CFH: variants seen among roughly 807,000 people sequenced by gnomAD.
CFH encodes H factor 1 (complement).
In CFH, 53 loss-of-function variants were observed where a neutral mutation model predicts 147.3. The observed-to-expected ratio is 0.36, with a 90% CI of 0.29 to 0.45. The LOEUF (loss-of-function observed/expected upper bound fraction) is 0.45, where lower values mean the gene tolerates loss of function less well. CFH is among the 20% of genes least tolerant of loss of function. CFH has a pLI of 1.00. For missense variants in CFH, 1,380 were observed against 1,498.0 expected (o/e 0.92, Z 1.30); for synonymous variants, 536 against 489.4 (o/e 1.10, Z -1.26).
intron 7 of CFH, among the ~76,000 whole-genome samples, chr1:196,686,796 G>T (rs1179213718): frequency 6.6e-6 from 1 of 152,090 alleles, no homozygotes; most frequent in African/African-American, 2.4e-5. Context: ...AATTATTAAT[G>T]TTTGACAATG....
At chr1:196,669,809 AG>A (rs1023937280) in intron 1 of CFH, among the ~76,000 whole-genome samples, 3 of 152,188 alleles carry the variant, frequency 2.0e-5, no homozygotes, top group Non-Finnish European at 2.9e-5. Context: ...CTGTGAGAAG[AG>A]GGCCACAGAT....
intron 1 of CFH, among the ~76,000 whole-genome samples, chr1:196,656,734 T>C (rs181518295): frequency 8.6e-5 from 13 of 151,578 alleles, no homozygotes; most frequent in Admixed American, 5.3e-4. Flanking sequence ...GTACTGTCTC[T>C]TTGTGGCTGA....
chr1:196,667,095 A>C (rs1667122968), intron 1 of CFH, among the ~76,000 whole-genome samples: 1 of 152,134 alleles, frequency 6.6e-6, no homozygotes, highest in African/African-American at 2.4e-5. Context: ...TAAATCTCAA[A>C]CTATGATGGT....
chr1:196,689,517 C>T lies in CFH; in HGVS notation c.1062C>T (p.Ser354=), dbSNP rs1351683602. ...CAGTAGCTGTAGGAAAATATTACTC[C>T]TATTACTGTGATGAACATTTTGAGA... is the stretch of plus-strand genomic sequence containing the variant. ...YFPVAVGKYY[S]YYCDEHFETP... is the part of the protein sequence containing the mutation. Residue 354 remains serine (S), a synonymous_variant, in exon 8 of 22, where the codon TCC becomes TCT. Transcript: ENST00000367429. 5 of 1,613,522 alleles carry T rather than the reference C, an allele frequency of 3.1e-6. No homozygotes were observed. Among genetic ancestry groups the T allele is most frequent in the Non-Finnish European group, 4.2e-6 (5 of 1,179,654 alleles).
chr1:196,720,636 A>C (rs1409659780), intron 11 of CFH, among the ~76,000 whole-genome samples: 2 of 149,486 alleles, frequency 1.3e-5, no homozygotes, highest in Admixed American at 6.7e-5. Context: ...TTTTCTTTTT[A>C]TTTTTTGTTT....
chr1:196,661,236 C>T (rs1666891428), intron 1 of CFH, among the ~76,000 whole-genome samples: 1 of 152,004 alleles, frequency 6.6e-6, no homozygotes, highest in African/African-American at 2.4e-5. Flanking sequence ...AAAATTAGTG[C>T]CCATAAAAAC....
intron 6 of CFH, among the ~76,000 whole-genome samples, chr1:196,682,174 G>A (rs1667680576): frequency 6.6e-6 from 1 of 151,682 alleles, no homozygotes; most frequent in Admixed American, 6.6e-5. Context: ...AAGGTACGAA[G>A]AACTGCTAAA....
chr1:196,702,893 G>A (rs1396370519), intron 9 of CFH, among the ~76,000 whole-genome samples: 1 of 152,126 alleles, frequency 6.6e-6, no homozygotes, highest in East Asian at 1.9e-4. Flanking sequence ...CCTAATGAGG[G>A]TTGCTTTGGA....
At chr1:196,664,436 T>C (rs566296333) in intron 1 of CFH, among the ~76,000 whole-genome samples, 2 of 152,314 alleles carry the variant, frequency 1.3e-5, no homozygotes, top group South Asian at 4.1e-4. Context: ...ACTCAAATTT[T>C]TTGTGAAATA....
intron 14 of CFH, among the ~76,000 whole-genome samples, chr1:196,728,139 A>G (rs1013714505): frequency 3.3e-5 from 5 of 152,132 alleles, no homozygotes; most frequent in African/African-American, 1.2e-4. Flanking sequence ...GGTATCTCTA[A>G]CATTTCAGCG....
chr1:196,689,766 A>G, intron 8 of CFH, 152 bp downstream of exon 8: 1 of 850,854 alleles, frequency 1.2e-6, no homozygotes, highest in Admixed American at 2.7e-5. Context: ...GATCTTTTCT[A>G]TTATGAGGGT....
chr1:196,741,612 CA>C, intron 18 of CFH: 5 of 427,444 alleles, frequency 1.2e-5, no homozygotes, highest in Non-Finnish European at 1.3e-5. Context: ...ATAATGTGAA[CA>C]AAAAAATGTG....
intron 5 of CFH, chr1:196,678,238 T>C (rs1243597620): frequency 6.5e-5 from 10 of 154,428 alleles, no homozygotes; most frequent in Admixed American, 6.4e-4. Flanking sequence ...CAGAATCCAC[T>C]AAATAAATTG....
intron 12 of CFH, among the ~76,000 whole-genome samples, chr1:196,725,876 C>T (rs559560469): frequency 6.6e-6 from 1 of 152,284 alleles, no homozygotes; most frequent in South Asian, 2.1e-4. Context: ...CATTAGACCC[C>T]ACCTGAAACA....
At position 196,745,917 on chromosome 1, in the gene CFH, A is replaced by G. The variant is rs756048440; in HGVS notation, c.3411A>G (p.Gln1137=). The G allele has an allele frequency of 8.1e-6, 13 of 1,613,978 alleles. No individual in the cohort carries two copies. Among genetic ancestry groups the G allele is most frequent in the South Asian group, 3.3e-5 (3 of 91,084 alleles). Residue 1137 remains glutamine (Q), a synonymous_variant, in exon 21 of 22, where the codon CAA becomes CAG. Coordinates refer to ENST00000367429, the MANE Select transcript of CFH (RefSeq NM_000186.4). ...CTCCAGCTTCATCAGTTGAGTACCA[A>G]TGCCAGAACTTGTATCAACTTGAGG... ...VYAPASSVEY[Q]CQNLYQLEGN...
At chr1:196,715,401 G>A (rs1387108520) in intron 10 of CFH, among the ~76,000 whole-genome samples, 192 bp from the exon 11 acceptor site, 11 of 152,104 alleles carry the variant, frequency 7.2e-5, no homozygotes, top group African/African-American at 2.6e-4. Flanking sequence ...AAAATGTTGT[G>A]TAGAAAGATA....
chr1:196,740,596 T>C (rs1652776139), intron 17 of CFH, 23 bp from the exon 18 acceptor site: 2 of 1,611,504 alleles, frequency 1.2e-6, no homozygotes, highest in African/African-American at 1.3e-5. Flanking sequence ...TAGTGAAACC[T>C]GAATTCATTC....
rs1558163639 is a variant in CFH at position 196,692,773 on chromosome 1, T to TTCCCTTC, written c.1336+2534_1336+2535insTCCCTTC. 1.0e-3 allele frequency among the ~76,000 whole-genome samples: 88 copies of TTCCCTTC among 85,392 alleles called. 3 individuals carry two copies. The highest frequency in any genetic ancestry group is 2.5e-3 in the African/African-American group (55 of 21,828). The allele number at this position is 85,392 out of a possible 152,430, so 56.0% of individuals were successfully genotyped here. ...TTCTTTCTTTCTTTCTTTCTTTCTTTCTTTCTTTCTTTCTTTCTTTCTTTC... is the reference window on the plus strand; with the variant it reads ...TTCTTTCTTTCTTTCTTTCTTTCTTTTCCCTTCCTTTCTTTCTTTCTTTCTTTCTTTC... On this transcript the variant is annotated intron_variant, in intron 9 of 21. Transcript: ENST00000367429.
chr1:196,718,767 A>G (rs964091357), intron 11 of CFH, among the ~76,000 whole-genome samples: 2 of 152,054 alleles, frequency 1.3e-5, no homozygotes, highest in African/African-American at 4.8e-5. Flanking sequence ...AGAAAGTTGG[A>G]GTGGCGGACA....
Sources: gnomAD v4.1 joint callset for allele counts (sites outside exome capture counted in the v4.1 genomes callset) on GRCh38, gnomAD v4.1.1 for gene constraint, MANE v1.5 for transcripts, NCBI Gene and HGNC (gene_info 2026-07-23, HGNC 2026-07-21) for gene names.